UBR1: variants seen among roughly 807,000 people sequenced by gnomAD.
UBR1 encodes the protein E3 ubiquitin-protein ligase UBR1.
In UBR1, 102 loss-of-function variants were observed where a neutral mutation model predicts 242.1. That is an observed-to-expected ratio of 0.42 (90% CI 0.36 to 0.50). The LOEUF is 0.50. UBR1 is among the 20% of genes least tolerant of loss of function. UBR1 has a pLI of 0.01. For missense variants in UBR1, 1,772 were observed against 2,101.8 expected, an observed-to-expected ratio of 0.84 and a Z score of 3.07; for synonymous variants, 675 against 684.8, an observed-to-expected ratio of 0.99 and a Z score of 0.22.
At chr15:42,969,224 A>G (rs1567111245) in intron 40 of UBR1, among the ~76,000 whole-genome samples, 1 of 152,204 alleles carries the variant, frequency 6.6e-6, no homozygotes, top group Non-Finnish European at 1.5e-5. Context: ...CTGGCATGAA[A>G]TGGTATCCCA....
intron 33 of UBR1, among the ~76,000 whole-genome samples, chr15:42,994,352 A>G (rs1411635514): frequency 7.2e-6 from 1 of 138,814 alleles, no homozygotes; most frequent in African/African-American, 2.7e-5. Context: ...GTTCAAGATC[A>G]GCCTGGGCAA....
intron 20 of UBR1, 149 bp from the exon 21 acceptor site, chr15:43,030,217 T>C: frequency 1.1e-6 from 1 of 905,746 alleles, no homozygotes; most frequent in Non-Finnish European, 1.7e-6. Context: ...TTCCCAAATC[T>C]GAATAAGAAT....
intron 39 of UBR1, among the ~76,000 whole-genome samples, chr15:42,971,018 C>T (rs1160775613): frequency 2.6e-5 from 4 of 152,166 alleles, no homozygotes; most frequent in Non-Finnish European, 5.9e-5. Flanking sequence ...CCCAGCCCCA[C>T]CTGTTTTTAA....
intron 11 of UBR1, among the ~76,000 whole-genome samples, chr15:43,055,694 C>G (rs1466036633): frequency 6.6e-6 from 1 of 152,156 alleles, no homozygotes; most frequent in Non-Finnish European, 1.5e-5. Flanking sequence ...GCTGGCAGAT[C>G]ACCTGAGGTC....
At chr15:43,092,695 G>A (rs549980619) in intron 1 of UBR1, among the ~76,000 whole-genome samples, 8 of 152,028 alleles carry the variant, frequency 5.3e-5, no homozygotes, top group Admixed American at 2.6e-4. Flanking sequence ...CTGGGACTAC[G>A]GGCGCGTGCC....
chr15:43,058,494 T>G, intron 9 of UBR1, 65 bp from the exon 10 acceptor site: 1 of 1,122,770 alleles, frequency 8.9e-7, no homozygotes, highest in Non-Finnish European at 1.3e-6. Flanking sequence ...CCAAAAACAT[T>G]CTGGCTATTA....
chr15:43,073,404 T>C (rs1010923248), intron 4 of UBR1, among the ~76,000 whole-genome samples: 2 of 152,214 alleles, frequency 1.3e-5, no homozygotes, highest in African/African-American at 2.4e-5. Context: ...TATTTCCTTA[T>C]GGTTGACAAA....
intron 3 of UBR1, among the ~76,000 whole-genome samples, chr15:43,082,097 T>G (rs1396984670): frequency 6.6e-6 from 1 of 152,080 alleles, no homozygotes; most frequent in Non-Finnish European, 1.5e-5. Flanking sequence ...ACTACATTTT[T>G]TTCCTGATTA....
chr15:42,988,924 C>T lies in UBR1; in HGVS notation c.3892G>A (p.Ala1298Thr), dbSNP rs955233917. The T allele has an allele frequency of 6.2e-7, 1 of 1,609,814 alleles. No individual in the cohort carries two copies. Among genetic ancestry groups the T allele is most frequent in the Non-Finnish European group, 8.5e-7 (1 of 1,176,288 alleles). The change falls in exon 35 of 47, where the codon GCC (alanine) becomes ACC (threonine). Residue 1298 changes from alanine to threonine, a missense_variant. By Grantham distance (58) the Ala-to-Thr change is moderately conservative. Around this residue, in one of 3 missense-constraint regions of UBR1, gnomAD observed 965 missense variants for 1,079.7 expected, o/e 0.89. Transcript: ENST00000290650. ...NSIKEMVILF[A>T]TTIYRIGLKV... is the part of the protein sequence containing the mutation. ...AATCCAATTCTATAAATTGTTGTGG[C>T]AAAGAGAATAACCATTTCCTTGATG... is the stretch of plus-strand genomic sequence containing the variant.
At position 43,024,881 on chromosome 15, in the gene UBR1, T is replaced by A. The variant is rs748177653; in HGVS notation, c.2687A>T (p.Glu896Val). Residue 896 changes from glutamate (E) to valine (V), a missense_variant, in exon 25 of 47, where the codon GAG (glutamate) becomes GTG (valine). Physicochemically the swap from Glu to Val is moderately radical, Grantham distance 121. Transcript: ENST00000290650. ...GTTAGAATCTGTGTCTATTGCCCGC[T>A]CAAATACGGTCCTGAGAATGTACAT... The part of the protein sequence containing the change: ...IMMYILRTVF[E>V]RAIDTDSNLW... The A allele has an allele frequency of 3.1e-6, 5 of 1,614,076 alleles. No individual in the cohort carries two copies. In the East Asian group the frequency reaches 1.1e-4, roughly 36 times the overall value.
intron 6 of UBR1, among the ~76,000 whole-genome samples, chr15:43,063,929 T>C (rs553421700): frequency 1.2e-3 from 186 of 152,262 alleles, no homozygotes; most frequent in African/African-American, 4.2e-3. Flanking sequence ...AGGGACGGCG[T>C]TTCTCCATGT....
intron 45 of UBR1, 90 bp from the exon 46 acceptor site, chr15:42,950,453 G>A (rs977730204): frequency 2.9e-6 from 3 of 1,046,998 alleles, no homozygotes; most frequent in East Asian, 2.4e-5. Flanking sequence ...AAAAGACGTG[G>A]CCAATATCTG....
intron 6 of UBR1, among the ~76,000 whole-genome samples, 162 bp from the exon 7 acceptor site, chr15:43,060,276 T>C (rs1247446502): frequency 1.3e-5 from 2 of 152,190 alleles, no homozygotes; most frequent in Non-Finnish European, 2.9e-5. Context: ...GATGCAAATG[T>C]TTAACACCTT....
chr15:43,019,761 ATTTTTTTT>A (rs11413335), intron 27 of UBR1, among the ~76,000 whole-genome samples: 1 of 138,204 alleles, frequency 7.2e-6, no homozygotes. Context: ...CGCCCAGCTA[ATTTTTTTT>A]TTTTTTTTGT....
intron 44 of UBR1, among the ~76,000 whole-genome samples, chr15:42,957,774 T>C (rs376932891): frequency 1.3e-5 from 2 of 151,664 alleles, no homozygotes; most frequent in Non-Finnish European, 2.9e-5. Flanking sequence ...ACTTGGGAGA[T>C]TGAGATGGGA....
rs2031693119 is a variant in UBR1, at chr15:42,944,064, T to C, written c.*1265A>G. The C allele has an allele frequency of 6.6e-6, 1 of 152,258 alleles. No homozygotes were observed. The highest frequency in any genetic ancestry group is 2.4e-5 in the African/African-American group (1 of 41,460). 9.4% of individuals were successfully genotyped at this position (152,258 alleles called of 1,614,324 possible). On this transcript the variant is annotated 3_prime_UTR_variant, in exon 47 of 47. Coordinates refer to ENST00000290650, the MANE Select transcript of UBR1 (RefSeq NM_174916.3). ...TTTACACACATATGTGAGACACTAA[T>C]AGCCAAGGGCAAAATAAGATACAGT...
chr15:43,067,352 C>T (rs1034804385), intron 6 of UBR1, among the ~76,000 whole-genome samples: 2 of 152,022 alleles, frequency 1.3e-5, no homozygotes, highest in African/African-American at 4.8e-5. Flanking sequence ...TTAAAAAGTA[C>T]ATTAAAAATG....
intron 42 of UBR1, among the ~76,000 whole-genome samples, chr15:42,962,494 T>C (rs1371103376): frequency 6.6e-6 from 1 of 151,930 alleles, no homozygotes; most frequent in Non-Finnish European, 1.5e-5. Context: ...GGCCTCTCTT[T>C]TTTTTTTCTT....
intron 25 of UBR1, among the ~76,000 whole-genome samples, chr15:43,023,020 C>A (rs578129755): frequency 6.6e-6 from 1 of 151,740 alleles, no homozygotes; most frequent in Non-Finnish European, 1.5e-5. Flanking sequence ...CACACGACCA[C>A]GCCCAGCTAA....
Sources: gnomAD v4.1 joint callset for allele counts (sites outside exome capture counted in the v4.1 genomes callset) on GRCh38, gnomAD v4.1.1 for gene constraint, gnomAD v4.1.1 regional missense constraint, MANE v1.5 for transcripts, NCBI Gene and HGNC (gene_info 2026-07-23, HGNC 2026-07-21) for gene names.